The following DMD variants were observed in gnomAD, a reference collection of about 807,000 sequenced individuals.
DMD encodes mutant dystrophin.
Under a neutral mutation model 330.1 loss-of-function variants are expected in DMD, and 63 were observed. That is an observed-to-expected ratio of 0.19 (90% CI 0.16 to 0.24). The LOEUF is 0.24. Among genes scored for constraint, DMD ranks in the 10% least tolerant of loss-of-function variants. The pLI, the probability that DMD is intolerant of heterozygous loss-of-function variation, is 1.00. For missense variants in DMD, 3,344 were observed against 2,684.1 expected (o/e 1.25, Z -5.43); for synonymous variants, 1,223 against 959.8 (o/e 1.27, Z -5.07).
intron 13 of DMD, among the ~76,000 whole-genome samples, chrX:32,581,047 A>G (rs2053601110): frequency 9.0e-6 from 1 of 111,391 alleles, no homozygotes; most frequent in African/African-American, 3.3e-5. Flanking sequence ...TCTCATCTCA[A>G]ACTCCTGACC....
At chrX:31,759,069 A>G (rs1281075646) in intron 51 of DMD, among the ~76,000 whole-genome samples, 2 of 111,847 alleles carry the variant, frequency 1.8e-5, no homozygotes, top group Non-Finnish European at 3.8e-5. Context: ...TCAATAACAT[A>G]CAGGGCAAGG....
chrX:33,004,873 G>T (rs1202133892), intron 2 of DMD, among the ~76,000 whole-genome samples: 2 of 110,962 alleles, frequency 1.8e-5, no homozygotes, highest in Non-Finnish European at 3.8e-5. Flanking sequence ...TGTTGCTATT[G>T]TTGCAAATGG....
intron 7 of DMD, among the ~76,000 whole-genome samples, chrX:32,744,935 C>T (rs1384941338): frequency 8.9e-6 from 1 of 111,746 alleles, no homozygotes. Context: ...CTGTATTCTA[C>T]ATGTGATTAT....
chrX:31,963,320 A>G (rs939510204), intron 45 of DMD, among the ~76,000 whole-genome samples: 3 of 112,225 alleles, frequency 2.7e-5, no homozygotes, highest in Middle Eastern at 4.2e-3. Flanking sequence ...GCAAACCAGC[A>G]TAGATTATAT....
chrX:32,736,913 T>A (rs775493206), intron 7 of DMD, among the ~76,000 whole-genome samples: 1 of 110,233 alleles, frequency 9.1e-6, no homozygotes, highest in South Asian at 3.8e-4. Context: ...GCTTAAAGTA[T>A]AATAATAAAA....
intron 42 of DMD, among the ~76,000 whole-genome samples, chrX:32,308,064 G>C (rs1294354832): frequency 9.1e-6 from 1 of 109,454 alleles, no homozygotes. Flanking sequence ...ATTAAATGCA[G>C]ATTTCCACAT....
At chrX:32,414,030 A>G (rs763257138) in intron 29 of DMD, among the ~76,000 whole-genome samples, 19 of 111,457 alleles carry the variant, frequency 1.7e-4, no homozygotes, top group African/African-American at 6.2e-4. Context: ...CAAAAGCTTT[A>G]TCCTTAATGT....
chrX:33,150,575 G>T (rs1413216441), intron 1 of DMD, among the ~76,000 whole-genome samples: 1 of 109,715 alleles, frequency 9.1e-6, no homozygotes, highest in African/African-American at 3.3e-5. Flanking sequence ...GATTACAGGT[G>T]GGAGCCACTG....
At chrX:31,486,077 C>A (rs2068780201) in intron 57 of DMD, among the ~76,000 whole-genome samples, 3 of 112,490 alleles carry the variant, frequency 2.7e-5, no homozygotes, top group Non-Finnish European at 3.8e-5. Flanking sequence ...TTTGCTAAAA[C>A]CTTATCTAAG....
At chrX:31,418,187 C>T (rs1317965181) in intron 60 of DMD, among the ~76,000 whole-genome samples, 6 of 111,120 alleles carry the variant, frequency 5.4e-5, no homozygotes, top group Non-Finnish European at 1.1e-4. Context: ...GCTAGGAAGT[C>T]TGATATCAAG....
In DMD at chrX:31,388,609, T is replaced by C. The variant is rs2060558585; in HGVS notation, c.9085-39975A>G. Among the ~76,000 whole-genome samples the C allele has an allele frequency of 2.7e-5, 3 of 111,672 alleles. No homozygotes were observed. The South Asian group carries it at 1.1e-3, about 42-fold the overall frequency. ...AAGACAGAAAAAGTGAAAGTCAAAA[T>C]GGTTAAATGAGGCCAGGAGCGGTGG... On this transcript the variant is annotated intron_variant, in intron 60 of 78. Coordinates refer to ENST00000357033, the MANE Select transcript of DMD (RefSeq NM_004006.3).
chrX:32,675,053 A>G (rs2061882261), intron 9 of DMD, among the ~76,000 whole-genome samples: 1 of 111,802 alleles, frequency 8.9e-6, no homozygotes, highest in Non-Finnish European at 1.9e-5. Context: ...TTCTGATTTC[A>G]AATTCAATGT....
At chrX:32,021,977 G>C (rs1795575) in intron 44 of DMD, among the ~76,000 whole-genome samples, 3,470 of 111,706 alleles carry the variant, frequency 0.031, 55 homozygotes, top group Non-Finnish European at 0.049. Context: ...AAAAGGAGTA[G>C]TTTTCCTTTC....
intron 21 of DMD, among the ~76,000 whole-genome samples, chrX:32,472,848 C>T (rs936027932): frequency 9.0e-6 from 1 of 111,077 alleles, no homozygotes; most frequent in Non-Finnish European, 1.9e-5. Context: ...CTAGTAATAA[C>T]CCCATAAATA....
intron 55 of DMD, among the ~76,000 whole-genome samples, chrX:31,528,238 C>A (rs1270913286): frequency 1.1e-5 from 1 of 94,430 alleles, no homozygotes; most frequent in African/African-American, 4.3e-5. Context: ...ATACCAGCAT[C>A]CTTTAGGAAC....
intron 74 of DMD, among the ~76,000 whole-genome samples, chrX:31,163,480 T>G (rs1053197072): frequency 8.9e-6 from 1 of 111,995 alleles, no homozygotes; most frequent in Non-Finnish European, 1.9e-5. Flanking sequence ...ACCAAGTAAC[T>G]TGAATGCCTA....
chrX:33,207,376 C>A lies in DMD; in HGVS notation c.31+3906G>T, dbSNP rs12557125. Among the ~76,000 whole-genome samples, 4,439 of 110,521 alleles carry A rather than the reference C, an allele frequency of 0.04. 375 individuals are homozygous for A. In the East Asian group the frequency reaches 0.43, roughly 11 times the overall value. ...GAAACAGACTTTTTATACTATCAAG[C>A]CTTTCATGAAAAAATTTCATGAAAA... On this transcript the variant is annotated intron_variant, in intron 1 of 78. Coordinates refer to ENST00000357033, the MANE Select transcript of DMD (RefSeq NM_004006.3).
At chrX:32,362,289 T>TA (rs11311333) in intron 37 of DMD, among the ~76,000 whole-genome samples, 4 of 109,389 alleles carry the variant, frequency 3.7e-5, no homozygotes, top group Admixed American at 9.9e-5. Context: ...AGTAAAGAGG[T>TA]AAAAAAACAC....
At chrX:32,586,590 A>G (rs1190253864) in intron 13 of DMD, among the ~76,000 whole-genome samples, 1 of 110,357 alleles carries the variant, frequency 9.1e-6, no homozygotes, top group Non-Finnish European at 1.9e-5. Context: ...ATTTACAGGT[A>G]CGAATACATT....
Sources: gnomAD v4.1 joint callset for allele counts (sites outside exome capture counted in the v4.1 genomes callset) on GRCh38, gnomAD v4.1.1 for gene constraint, MANE v1.5 for transcripts, NCBI Gene and HGNC (gene_info 2026-07-23, HGNC 2026-07-21) for gene names.